CACNA2D3: variants seen among roughly 807,000 people sequenced by gnomAD.
The protein encoded by CACNA2D3 is voltage-dependent calcium channel subunit alpha-2/delta-3.
CACNA2D3 carries 60 observed loss-of-function variants against 160.6 expected under a neutral mutation model. The ratio of observed to expected loss-of-function variants is 0.37; its 90% CI spans 0.30 to 0.46. CACNA2D3 has a LOEUF of 0.46. Ranked by LOEUF, CACNA2D3 falls within the 20% of genes least tolerant of loss-of-function variation. CACNA2D3 has a pLI of 1.00. For missense variants in CACNA2D3, 1,205 were observed against 1,365.0 expected (o/e 0.88, Z 1.85); for synonymous variants, 558 against 492.9 (o/e 1.13, Z -1.75).
intron 2 of CACNA2D3, among the ~76,000 whole-genome samples, chr3:54,309,973 T>C (rs1385320260): frequency 6.6e-6 from 1 of 151,920 alleles, no homozygotes; most frequent in Non-Finnish European, 1.5e-5. Context: ...CTCTTCATCA[T>C]TTCTAAAACA....
At chr3:54,704,290 C>A (rs1388699903) in intron 11 of CACNA2D3, among the ~76,000 whole-genome samples, 1 of 152,198 alleles carries the variant, frequency 6.6e-6, no homozygotes, top group African/African-American at 2.4e-5. Flanking sequence ...AAAAATACAT[C>A]TTTTCTGCAT....
At chr3:54,529,958 T>C (rs1201277535) in intron 5 of CACNA2D3, among the ~76,000 whole-genome samples, 1 of 152,112 alleles carries the variant, frequency 6.6e-6, no homozygotes, top group Non-Finnish European at 1.5e-5. Flanking sequence ...GTGTTGGAAA[T>C]GGAGGGAGCT....
chr3:54,956,127 G>C (rs1258037862), intron 27 of CACNA2D3, among the ~76,000 whole-genome samples: 2 of 152,126 alleles, frequency 1.3e-5, no homozygotes, highest in African/African-American at 2.4e-5. Context: ...GGGAGGATCT[G>C]CCTTGGGCCA....
chr3:54,320,819 C>G (rs923747430), intron 3 of CACNA2D3, among the ~76,000 whole-genome samples: 4 of 152,162 alleles, frequency 2.6e-5, no homozygotes, highest in Non-Finnish European at 4.4e-5. Flanking sequence ...TACAGCCATA[C>G]AACGTGGGCC....
At chr3:54,160,093 G>C (rs539970826) in intron 2 of CACNA2D3, among the ~76,000 whole-genome samples, 4 of 152,172 alleles carry the variant, frequency 2.6e-5, no homozygotes, top group Admixed American at 1.3e-4. Flanking sequence ...GGAGAGAATA[G>C]GAAGATGATT....
intron 4 of CACNA2D3, among the ~76,000 whole-genome samples, chr3:54,450,598 G>T (rs963793572): frequency 6.6e-6 from 1 of 151,976 alleles, no homozygotes. Context: ...GGTGAGTGCT[G>T]GTTGTTAAAA....
At chr3:54,255,443 ACTT>A (rs2107431461) in intron 2 of CACNA2D3, among the ~76,000 whole-genome samples, 1 of 152,316 alleles carries the variant, frequency 6.6e-6, no homozygotes, top group Admixed American at 6.5e-5. Context: ...GTATTAATCT[ACTT>A]CTACTTGAAG....
At chr3:54,326,600 C>A (rs553094638) in intron 3 of CACNA2D3, among the ~76,000 whole-genome samples, 1 of 152,116 alleles carries the variant, frequency 6.6e-6, no homozygotes, top group African/African-American at 2.4e-5. Context: ...TAATTGATTC[C>A]GTTTATCCAT....
At chr3:54,305,149 G>A (rs1430092453) in intron 2 of CACNA2D3, among the ~76,000 whole-genome samples, 1 of 152,108 alleles carries the variant, frequency 6.6e-6, no homozygotes, top group Non-Finnish European at 1.5e-5. Context: ...ACTCCTCTTT[G>A]CACATTATGA....
At chr3:55,062,280 C>CTT (rs10693110) in intron 35 of CACNA2D3, among the ~76,000 whole-genome samples, 1,454 of 139,848 alleles carry the variant, frequency 0.01, 48 homozygotes, top group East Asian at 0.065. Flanking sequence ...TCATATCTGT[C>CTT]TTTTTTTTTT....
intron 2 of CACNA2D3, among the ~76,000 whole-genome samples, chr3:54,316,430 TG>T (rs570261715): frequency 7.7e-4 from 117 of 152,236 alleles, no homozygotes; most frequent in Non-Finnish European, 1.4e-3. Flanking sequence ...ATTTTTCTAA[TG>T]TGATTCCAGC....
chr3:54,392,758 G>A (rs1250945679), intron 4 of CACNA2D3, among the ~76,000 whole-genome samples: 1 of 152,148 alleles, frequency 6.6e-6, no homozygotes, highest in Non-Finnish European at 1.5e-5. Context: ...TACTCTACCT[G>A]CTTACCTGTT....
intron 11 of CACNA2D3, among the ~76,000 whole-genome samples, chr3:54,731,029 A>G (rs1334737149): frequency 6.6e-6 from 1 of 152,240 alleles, no homozygotes; most frequent in South Asian, 2.1e-4. Flanking sequence ...CATTTGATCT[A>G]CCACACAGAA....
chr3:54,472,288 G>A (rs558837101), intron 4 of CACNA2D3, among the ~76,000 whole-genome samples: 6 of 152,254 alleles, frequency 3.9e-5, no homozygotes, highest in African/African-American at 1.4e-4. Context: ...CAGAACCAAT[G>A]ACAAAAACCA....
Position 55,053,236 on chromosome 3 carries a change from T to C in CACNA2D3, c.2988-20209T>C, listed in dbSNP as rs552190310. The stretch of plus-strand genomic sequence containing the variant: ...TGAGCTTGTATTTTCTAGAATTTTA[T>C]GTAAATGGAATCATACAGTATGTAT... On this transcript the variant is annotated intron_variant, in intron 35 of 37. Coordinates refer to ENST00000474759, the MANE Select transcript of CACNA2D3 (RefSeq NM_018398.3). 2.0e-5 allele frequency among the ~76,000 whole-genome samples: 3 copies of C among 152,188 alleles called. No individual in the cohort carries two copies. The East Asian group carries it at 5.8e-4, about 29-fold the overall frequency.
chr3:54,614,235 G>A (rs985134724), intron 9 of CACNA2D3, among the ~76,000 whole-genome samples: 8 of 152,204 alleles, frequency 5.3e-5, no homozygotes, highest in Non-Finnish European at 1.2e-4. Context: ...ACCAGAGGAC[G>A]TTGTACCTAA....
chr3:54,558,408 G>A (rs1490618362), intron 5 of CACNA2D3, among the ~76,000 whole-genome samples: 1 of 151,580 alleles, frequency 6.6e-6, no homozygotes, highest in Non-Finnish European at 1.5e-5. Context: ...TCTAGGGTGG[G>A]TATTTTTTTT....
At chr3:54,308,979 TTTG>T (rs1315351157) in intron 2 of CACNA2D3, among the ~76,000 whole-genome samples, 1 of 152,238 alleles carries the variant, frequency 6.6e-6, no homozygotes, top group Non-Finnish European at 1.5e-5. Context: ...TGTAGTTAAA[TTTG>T]TTGGTGTGCA....
intron 12 of CACNA2D3, 99 bp from the exon 13 acceptor site, chr3:54,764,119 G>T: frequency 7.5e-7 from 1 of 1,326,790 alleles, no homozygotes; most frequent in Non-Finnish European, 1.0e-6. Flanking sequence ...AAAAAAGAAG[G>T]AAACTAGCTA....
Sources: gnomAD v4.1 joint callset for allele counts (sites outside exome capture counted in the v4.1 genomes callset) on GRCh38, gnomAD v4.1.1 for gene constraint, MANE v1.5 for transcripts, NCBI Gene and HGNC (gene_info 2026-07-23, HGNC 2026-07-21) for gene names.